Variants in MIPOL1 observed in about 807,000 individuals in gnomAD.
The protein encoded by MIPOL1 is mirror-image polydactyly 1.
MIPOL1 carries 57 observed loss-of-function variants against 60.9 expected under a neutral mutation model. The ratio of observed to expected loss-of-function variants is 0.94; its 90% CI spans 0.76 to 1.17. MIPOL1 has a LOEUF of 1.17. Among genes scored for constraint, MIPOL1 ranks in the 50% most tolerant of loss-of-function variants. The pLI is 0.00. For missense variants in MIPOL1, 551 were observed against 511.6 expected, an observed-to-expected ratio of 1.08 and a Z score of -0.74; for synonymous variants, 179 against 168.8, an observed-to-expected ratio of 1.06 and a Z score of -0.47.
At chr14:37,510,605 CTG>C (rs1245428144) in intron 12 of MIPOL1, among the ~76,000 whole-genome samples, 3 of 152,100 alleles carry the variant, frequency 2.0e-5, no homozygotes, top group African/African-American at 7.2e-5. Context: ...AAGACATTGA[CTG>C]TGTTCTATTC....
At chr14:37,520,227 G>T (rs1429320667) in intron 12 of MIPOL1, among the ~76,000 whole-genome samples, 2 of 152,074 alleles carry the variant, frequency 1.3e-5, no homozygotes, top group South Asian at 2.1e-4. Context: ...TCTCCCAAAG[G>T]ATGTTGCCTG....
intron 10 of MIPOL1, chr14:37,396,911 G>A (rs2093382351): frequency 6.6e-6 from 1 of 151,760 alleles, no homozygotes; most frequent in Non-Finnish European, 1.5e-5. Context: ...CCTTTCATTG[G>A]GCTTCACCTT....
chr14:37,494,857 T>G lies in MIPOL1; in HGVS notation c.1032-5051T>G, dbSNP rs564574854. On this transcript the variant is annotated intron_variant, in intron 11 of 12. Coordinates refer to ENST00000684589, the MANE Select transcript of MIPOL1 (RefSeq NM_001388067.1). ...TTTTAAAAAGATCATGTCCATTGCT[T>G]GGGAAAGCCTTGATGGTAATTAACA... Among the ~76,000 whole-genome samples the G allele has an allele frequency of 2.7e-3, 407 of 152,304 alleles. 1 individual carries two copies. Among genetic ancestry groups the G allele is most frequent in the Non-Finnish European group, 4.7e-3 (320 of 68,024 alleles).
chr14:37,231,523 T>C (rs1039095443), intron 1 of MIPOL1, among the ~76,000 whole-genome samples: 6 of 152,220 alleles, frequency 3.9e-5, no homozygotes, highest in Non-Finnish European at 7.3e-5. Context: ...CTAAGGCTAA[T>C]AGATGAATGT....
chr14:37,501,643 T>C (rs2095216980), intron 12 of MIPOL1: 1 of 152,280 alleles, frequency 6.6e-6, no homozygotes, highest in Non-Finnish European at 1.5e-5. Flanking sequence ...GATAACCAAA[T>C]AGGAACAGCT....
chr14:37,433,070 T>C (rs2094103230), intron 11 of MIPOL1, among the ~76,000 whole-genome samples: 1 of 152,174 alleles, frequency 6.6e-6, no homozygotes, highest in South Asian at 2.1e-4. Flanking sequence ...TTTAAAATTT[T>C]TTATTTTTGA....
At chr14:37,417,862 A>G (rs1332300552) in intron 10 of MIPOL1, among the ~76,000 whole-genome samples, 1 of 152,148 alleles carries the variant, frequency 6.6e-6, no homozygotes, top group Non-Finnish European at 1.5e-5. Context: ...TAAAATAAGC[A>G]ATGTTTTCTG....
intron 1 of MIPOL1, among the ~76,000 whole-genome samples, chr14:37,236,892 GC>G (rs1971580388): frequency 6.6e-6 from 1 of 152,072 alleles, no homozygotes; most frequent in Non-Finnish European, 1.5e-5. Context: ...CACTCCTTTA[GC>G]CCTTAGTTAG....
intron 11 of MIPOL1, among the ~76,000 whole-genome samples, chr14:37,450,500 T>C (rs1302151277): frequency 6.6e-6 from 1 of 152,176 alleles, no homozygotes. Context: ...AGACGTTTTC[T>C]CATGGAAGAT....
intron 1 of MIPOL1, among the ~76,000 whole-genome samples, chr14:37,244,285 T>G (rs1972828835): frequency 6.6e-6 from 1 of 151,472 alleles, no homozygotes; most frequent in African/African-American, 2.4e-5. Flanking sequence ...CAAGCCAGGC[T>G]AATTTTTTTT....
chr14:37,267,131 A>G lies in MIPOL1; in HGVS notation c.213A>G (p.Pro71=). Residue 71 remains proline (P), a synonymous_variant, in exon 4 of 13, where the codon CCA becomes CCG. Coordinates refer to ENST00000684589, the MANE Select transcript of MIPOL1 (RefSeq NM_001388067.1). ...STNFQIISSY[P]DDESVYCTTE... The stretch of plus-strand genomic sequence containing the variant: ...ATTTTCAGATCATCAGTTCTTATCC[A>G]GATGATGAGTCTGTTTACTGCACTA... 6.2e-7 allele frequency: 1 copy of G among 1,613,736 alleles called. No homozygotes were observed. The highest frequency in any genetic ancestry group is 1.7e-5 in the Admixed American group (1 of 60,008).
chr14:37,473,380 C>T (rs368348855), intron 11 of MIPOL1, among the ~76,000 whole-genome samples: 12 of 151,570 alleles, frequency 7.9e-5, no homozygotes, highest in African/African-American at 2.4e-4. Context: ...TTCTTTAAAA[C>T]GACCCCGCCT....
In MIPOL1 at chr14:37,205,167, G is replaced by A. The variant is rs191599362; in HGVS notation, c.-199+7063G>A. ...TGTCCAGGCTGGGGTGCAGTGACAC[G>A]ATCTCAGTTCACTGCAACCTCCACC... On this transcript the variant is annotated intron_variant, in intron 1 of 12. Coordinates refer to ENST00000684589, the MANE Select transcript of MIPOL1 (RefSeq NM_001388067.1). Among the ~76,000 whole-genome samples the A allele has an allele frequency of 6.4e-3, 974 of 151,742 alleles. 14 individuals are homozygous for A. The highest frequency in any genetic ancestry group is 0.022 in the African/African-American group (924 of 41,362).
At chr14:37,393,150 C>T (rs372622636) in intron 10 of MIPOL1, among the ~76,000 whole-genome samples, 2 of 152,012 alleles carry the variant, frequency 1.3e-5, no homozygotes, top group African/African-American at 4.8e-5. Flanking sequence ...ACTACCAGAA[C>T]CTGGGAGAGA....
chr14:37,227,739 G>A (rs1316308686), intron 1 of MIPOL1: 4 of 152,176 alleles, frequency 2.6e-5, no homozygotes, highest in Admixed American at 2.6e-4. Flanking sequence ...TTGGCTTAGA[G>A]ATTAAAGCTC....
chr14:37,413,514 A>C (rs1376361326), intron 10 of MIPOL1, among the ~76,000 whole-genome samples: 1 of 152,198 alleles, frequency 6.6e-6, no homozygotes, highest in East Asian at 1.9e-4. Flanking sequence ...TTGTGACTAC[A>C]TTGGGTTTAC....
At chr14:37,344,483 G>T (rs1167765600) in intron 9 of MIPOL1, among the ~76,000 whole-genome samples, 4 of 151,664 alleles carry the variant, frequency 2.6e-5, no homozygotes, top group African/African-American at 9.7e-5. Flanking sequence ...GACTTAACGA[G>T]ATTTAGATTT....
intron 9 of MIPOL1, among the ~76,000 whole-genome samples, chr14:37,313,466 A>G (rs2087565546): frequency 6.6e-6 from 1 of 152,172 alleles, no homozygotes. Flanking sequence ...ATAATATTGT[A>G]GAGCTCTTCA....
intron 10 of MIPOL1, chr14:37,401,992 C>T (rs1241868056): frequency 6.6e-6 from 1 of 151,724 alleles, no homozygotes; most frequent in East Asian, 1.9e-4. Flanking sequence ...AAATTTTTTC[C>T]TTTGTTGATA....
Sources: gnomAD v4.1 joint callset for allele counts (sites outside exome capture counted in the v4.1 genomes callset) on GRCh38, gnomAD v4.1.1 for gene constraint, MANE v1.5 for transcripts, NCBI Gene and HGNC (gene_info 2026-07-23, HGNC 2026-07-21) for gene names.